FMN2: variants seen among roughly 807,000 people sequenced by gnomAD.
FMN2 encodes the protein formin-2.
In FMN2, 51 loss-of-function variants were observed where a neutral mutation model predicts 142.3. The ratio of observed to expected loss-of-function variants is 0.36; its 90% CI spans 0.29 to 0.45. The LOEUF is 0.45. Ranked by LOEUF, FMN2 falls within the 20% of genes least tolerant of loss-of-function variation. The pLI is 1.00. For missense variants in FMN2, 1,936 were observed against 2,122.8 expected (o/e 0.91, Z 1.73); for synonymous variants, 882 against 869.8 (o/e 1.01, Z -0.25).
At chr1:240,398,103 C>T (rs1168108058) in intron 15 of FMN2, among the ~76,000 whole-genome samples, 2 of 151,536 alleles carry the variant, frequency 1.3e-5, no homozygotes, top group African/African-American at 4.9e-5. Flanking sequence ...TCAGACAATT[C>T]TCATTCCTCA....
chr1:240,135,982 T>G (rs922827918), intron 2 of FMN2, among the ~76,000 whole-genome samples: 8 of 108,274 alleles, frequency 7.4e-5, no homozygotes, highest in African/African-American at 2.0e-4. Flanking sequence ...CCTAGTCATG[T>G]TTTTTTTTTT....
intron 8 of FMN2, among the ~76,000 whole-genome samples, chr1:240,328,712 C>G (rs1302732537): frequency 6.6e-6 from 1 of 152,074 alleles, no homozygotes; most frequent in Non-Finnish European, 1.5e-5. Flanking sequence ...GCCTCAGCCT[C>G]TCAAGTAGCT....
intron 13 of FMN2, among the ~76,000 whole-genome samples, chr1:240,340,102 T>A (rs142477644): frequency 6.6e-6 from 1 of 152,314 alleles, no homozygotes; most frequent in East Asian, 1.9e-4. Context: ...TTCTACTTTC[T>A]TTTCAGTTTT....
chr1:240,265,513 C>T (rs1303697936), intron 7 of FMN2, among the ~76,000 whole-genome samples: 1 of 152,110 alleles, frequency 6.6e-6, no homozygotes, highest in East Asian at 1.9e-4. Flanking sequence ...TACACAAATG[C>T]TTATTATTGT....
At chr1:240,290,411 C>T (rs574826462) in intron 7 of FMN2, among the ~76,000 whole-genome samples, 102 of 152,212 alleles carry the variant, frequency 6.7e-4, no homozygotes, top group Non-Finnish European at 1.2e-3. Flanking sequence ...AACTATTGAA[C>T]GCAAATGTTT....
intron 14 of FMN2, among the ~76,000 whole-genome samples, chr1:240,385,050 A>G (rs1368236219): frequency 6.6e-6 from 1 of 152,196 alleles, no homozygotes; most frequent in Non-Finnish European, 1.5e-5. Flanking sequence ...GTTGACTGAA[A>G]TATTGTAATG....
At chr1:240,122,501 T>C (rs562857934) in intron 1 of FMN2, among the ~76,000 whole-genome samples, 1 of 152,272 alleles carries the variant, frequency 6.6e-6, no homozygotes, top group East Asian at 1.9e-4. Context: ...CAGGCTGGTC[T>C]TGAACTCCTG....
intron 6 of FMN2, among the ~76,000 whole-genome samples, chr1:240,232,217 C>A (rs1464063283): frequency 6.6e-6 from 1 of 151,204 alleles, no homozygotes; most frequent in Non-Finnish European, 1.5e-5. Flanking sequence ...CTACAGGCAC[C>A]AGGCACACAC....
rs536074004 is a variant in FMN2, at chr1:240,111,999, T to C, written c.1616-11180T>C. 1.3e-3 allele frequency among the ~76,000 whole-genome samples: 198 copies of C among 152,340 alleles called. 1 individual carries two copies. Among genetic ancestry groups the C allele is most frequent in the African/African-American group, 4.6e-3 (192 of 41,588 alleles). On this transcript the variant is annotated intron_variant, in intron 1 of 17. Transcript: ENST00000319653. Reference sequence around the variant, plus strand: ...AGAATGAGAGAATTCTTCATGGTTATACTATTCTAGATTTCTTCAGTTCTG... The same window carrying C: ...AGAATGAGAGAATTCTTCATGGTTACACTATTCTAGATTTCTTCAGTTCTG...
At chr1:240,113,838 A>G (rs974397187) in intron 1 of FMN2, among the ~76,000 whole-genome samples, 1 of 152,162 alleles carries the variant, frequency 6.6e-6, no homozygotes, top group Non-Finnish European at 1.5e-5. Context: ...CCTTCCCACC[A>G]CAGCGATTTT....
intron 2 of FMN2, among the ~76,000 whole-genome samples, chr1:240,141,493 G>A (rs941057582): frequency 1.9e-4 from 29 of 151,776 alleles, no homozygotes; most frequent in African/African-American, 5.6e-4. Flanking sequence ...TCAGCCTCCC[G>A]AGTAGCTGGG....
At chr1:240,407,302 T>G (rs2103119800) in intron 15 of FMN2, among the ~76,000 whole-genome samples, 1 of 152,214 alleles carries the variant, frequency 6.6e-6, no homozygotes, top group South Asian at 2.1e-4. Flanking sequence ...TGCACCAGGC[T>G]AATTTTTTGT....
At chr1:240,294,761 T>C (rs1010376026) in intron 7 of FMN2, 61 bp from the exon 8 acceptor site, 8 of 1,504,414 alleles carry the variant, frequency 5.3e-6, no homozygotes, top group African/African-American at 1.4e-5. Flanking sequence ...CTGCCTGAGA[T>C]GGTCAAACAT....
At position 240,365,228 on chromosome 1, in the gene FMN2, CATATATAT is replaced by C. The variant is rs1259795139; in HGVS notation, c.4858+9322_4858+9329del. Among the ~76,000 whole-genome samples, 2 of 49,412 alleles carry C rather than the reference CATATATAT, an allele frequency of 4.0e-5. 1 individual carries two copies. The highest frequency in any genetic ancestry group is 7.4e-5 in the Non-Finnish European group (2 of 26,860). The allele number at this position is 49,412 out of a possible 152,430, so 32.4% of individuals were successfully genotyped here. A position where few individuals can be genotyped will look rare whatever the true frequency, so the allele number is the denominator to read the frequency against. On this transcript the variant is annotated intron_variant, in intron 14 of 17. Coordinates refer to ENST00000319653, the MANE Select transcript of FMN2 (RefSeq NM_020066.5). ...GTGTATATATATACACACAGACACA[CATATATAT>C]ACACATATACATACATACATACGTG... is the stretch of plus-strand genomic sequence containing the variant.
chr1:240,213,409 G>T (rs1459051238), intron 6 of FMN2, among the ~76,000 whole-genome samples: 2 of 152,110 alleles, frequency 1.3e-5, no homozygotes, highest in Admixed American at 1.3e-4. Context: ...AGGGACAAAA[G>T]ATTTTTTTAA....
At chr1:240,420,774 C>T (rs914182886) in intron 15 of FMN2, among the ~76,000 whole-genome samples, 5 of 152,336 alleles carry the variant, frequency 3.3e-5, no homozygotes, top group African/African-American at 1.2e-4. Context: ...CATTCCCACA[C>T]AGGACAGGGG....
intron 14 of FMN2, among the ~76,000 whole-genome samples, chr1:240,368,720 A>T (rs969897905): frequency 6.6e-6 from 1 of 152,112 alleles, no homozygotes; most frequent in Admixed American, 6.5e-5. Flanking sequence ...TAATATGGAC[A>T]GAAAGAGTAG....
chr1:240,166,860 G>A (rs1426713742), intron 2 of FMN2, among the ~76,000 whole-genome samples: 2 of 152,186 alleles, frequency 1.3e-5, no homozygotes, highest in Non-Finnish European at 1.5e-5. Flanking sequence ...AGCGGCTCAC[G>A]CCTGTAATCC....
intron 1 of FMN2, among the ~76,000 whole-genome samples, chr1:240,118,042 CAGA>C (rs1280366434): frequency 1.3e-5 from 2 of 152,052 alleles, no homozygotes; most frequent in Non-Finnish European, 2.9e-5. Flanking sequence ...TTGATGTATG[CAGA>C]AGAAGAGTGT....
Sources: gnomAD v4.1 joint callset for allele counts (sites outside exome capture counted in the v4.1 genomes callset) on GRCh38, gnomAD v4.1.1 for gene constraint, MANE v1.5 for transcripts, NCBI Gene and HGNC (gene_info 2026-07-23, HGNC 2026-07-21) for gene names.